The following SDK1 variants were observed in gnomAD, a reference collection of about 807,000 sequenced individuals.
SDK1 encodes the protein protein sidekick-1.
SDK1 carries 157 observed loss-of-function variants against 245.5 expected under a neutral mutation model. The ratio of observed to expected loss-of-function variants is 0.64; its 90% CI spans 0.56 to 0.73. SDK1 has a LOEUF of 0.73. Among genes scored for constraint, SDK1 ranks in the 30% least tolerant of loss-of-function variants. The pLI is 0.00. For synonymous variants in SDK1, 1,647 were observed against 1,278.5 expected (o/e 1.29, Z -6.15); for missense variants, 3,583 against 3,002.3 (o/e 1.19, Z -4.52).
At chr7:3,898,175 C>A (rs895728231) in intron 5 of SDK1, among the ~76,000 whole-genome samples, 2 of 152,162 alleles carry the variant, frequency 1.3e-5, no homozygotes, top group African/African-American at 4.8e-5. Flanking sequence ...AGATACGGTG[C>A]TTTAATTACT....
At chr7:4,058,852 G>T (rs1779363174) in intron 19 of SDK1, among the ~76,000 whole-genome samples, 1 of 152,184 alleles carries the variant, frequency 6.6e-6, no homozygotes, top group Non-Finnish European at 1.5e-5. Flanking sequence ...AATGCTTAAT[G>T]AATTCCCACA....
chr7:3,874,300 C>G (rs1261997321), intron 5 of SDK1, among the ~76,000 whole-genome samples: 2 of 152,182 alleles, frequency 1.3e-5, no homozygotes, highest in African/African-American at 2.4e-5. Context: ...TTGAGTTTCC[C>G]TGACTTGACT....
At chr7:3,867,114 G>T (rs779734668) in intron 5 of SDK1, among the ~76,000 whole-genome samples, 1 of 152,174 alleles carries the variant, frequency 6.6e-6, no homozygotes, top group Non-Finnish European at 1.5e-5. Flanking sequence ...TGCTGTAAAA[G>T]CTAAGAAAAA....
intron 1 of SDK1, among the ~76,000 whole-genome samples, chr7:3,432,329 C>G (rs772159372): frequency 4.6e-5 from 7 of 151,806 alleles, no homozygotes; most frequent in African/African-American, 9.7e-5. Context: ...CTGCCCCAGT[C>G]AAGAATGACT....
At chr7:3,459,581 G>T (rs1277027225) in intron 1 of SDK1, among the ~76,000 whole-genome samples, 1 of 152,150 alleles carries the variant, frequency 6.6e-6, no homozygotes, top group East Asian at 1.9e-4. Context: ...GAGGACAAAG[G>T]GACAAAGGAG....
intron 5 of SDK1, among the ~76,000 whole-genome samples, chr7:3,950,499 A>G (rs1223991065): frequency 1.3e-5 from 2 of 152,276 alleles, no homozygotes; most frequent in South Asian, 2.1e-4. Context: ...CTTTCATTAC[A>G]TTATGTTATC....
intron 4 of SDK1, among the ~76,000 whole-genome samples, chr7:3,697,380 C>T (rs1332651624): frequency 6.6e-6 from 1 of 152,210 alleles, no homozygotes; most frequent in Non-Finnish European, 1.5e-5. Context: ...TTCTTCTCAG[C>T]AATTAGGTCT....
At chr7:4,097,266 T>TC (rs753459796) in intron 22 of SDK1, among the ~76,000 whole-genome samples, 1 of 151,902 alleles carries the variant, frequency 6.6e-6, no homozygotes, top group Admixed American at 6.5e-5. Flanking sequence ...ACAGCTCCTG[T>TC]ACGGCCAGGG....
At chr7:3,524,676 G>A (rs1783061124) in intron 1 of SDK1, among the ~76,000 whole-genome samples, 1 of 152,188 alleles carries the variant, frequency 6.6e-6, no homozygotes, top group South Asian at 2.1e-4. Context: ...AGAGCAGCAT[G>A]TTTGATAGTC....
At chr7:3,595,809 C>CA (rs1781036963) in intron 1 of SDK1, among the ~76,000 whole-genome samples, 1 of 101,752 alleles carries the variant, frequency 9.8e-6, no homozygotes, top group African/African-American at 3.9e-5. Context: ...GCCTGGTCGA[C>CA]AGAGTTAAGA....
At chr7:3,307,123 T>C (rs1779435572) in intron 1 of SDK1, among the ~76,000 whole-genome samples, 1 of 152,212 alleles carries the variant, frequency 6.6e-6, no homozygotes, top group South Asian at 2.1e-4. Flanking sequence ...TACCCAATTA[T>C]ACATTTAACC....
chr7:3,405,249 T>C (rs1779019404), intron 1 of SDK1, among the ~76,000 whole-genome samples: 1 of 152,048 alleles, frequency 6.6e-6, no homozygotes, highest in African/African-American at 2.4e-5. Flanking sequence ...TTGGTGGCTG[T>C]ATGAGTACTC....
intron 4 of SDK1, among the ~76,000 whole-genome samples, chr7:3,674,083 A>G (rs1562647592): frequency 6.6e-6 from 1 of 152,182 alleles, no homozygotes; most frequent in Admixed American, 6.5e-5. Flanking sequence ...GGAGAAAAAA[A>G]CATCTCTGAA....
intron 1 of SDK1, among the ~76,000 whole-genome samples, chr7:3,441,510 T>A (rs1780196316): frequency 6.6e-6 from 1 of 152,226 alleles, no homozygotes; most frequent in African/African-American, 2.4e-5. Context: ...TTCTTGGAAA[T>A]CACTTGTCCA....
chr7:4,058,651 T>C (rs1476766583), intron 19 of SDK1, among the ~76,000 whole-genome samples: 1 of 152,224 alleles, frequency 6.6e-6, no homozygotes, highest in Non-Finnish European at 1.5e-5. Context: ...ACAGTGGATT[T>C]ATCAGCAGAA....
intron 1 of SDK1, among the ~76,000 whole-genome samples, chr7:3,350,405 T>G (rs1232236104): frequency 6.6e-6 from 1 of 152,204 alleles, no homozygotes; most frequent in Non-Finnish European, 1.5e-5. Context: ...TGATTCCAAA[T>G]TTACTCAGCA....
chr7:3,880,594 C>CA (rs1781184810), intron 5 of SDK1, among the ~76,000 whole-genome samples: 1 of 77,236 alleles, frequency 1.3e-5, no homozygotes, highest in Admixed American at 1.9e-4. Context: ...AGGTGAAAAA[C>CA]AAAATCCTTT....
intron 43 of SDK1, among the ~76,000 whole-genome samples, chr7:4,243,751 G>T (rs919665428): frequency 6.6e-6 from 1 of 152,118 alleles, no homozygotes; most frequent in Non-Finnish European, 1.5e-5. Flanking sequence ...ATGAGATTTG[G>T]GTGGGGACAC....
intron 4 of SDK1, among the ~76,000 whole-genome samples, chr7:3,789,807 T>G (rs929765812): frequency 6.6e-6 from 1 of 152,066 alleles, no homozygotes; most frequent in African/African-American, 2.4e-5. Context: ...TAGAAAGCAC[T>G]TGGAGACACA....
Sources: allele counts gnomAD v4.1 joint callset (sites outside exome capture counted in the v4.1 genomes callset), GRCh38; gene constraint gnomAD v4.1.1; transcripts MANE v1.5; gene names NCBI Gene and HGNC (gene_info 2026-07-23, HGNC 2026-07-21).